AKAP7: variants seen among roughly 807,000 people sequenced by gnomAD.
AKAP7 encodes A kinase (PRKA) anchor protein 7.
AKAP7 carries 39 observed loss-of-function variants against 39.5 expected under a neutral mutation model. That is an observed-to-expected ratio of 0.99 (90% CI 0.76 to 1.29). AKAP7 has a LOEUF of 1.29. Among genes scored for constraint, AKAP7 ranks in the 50% most tolerant of loss-of-function variants. The pLI, the probability that AKAP7 is intolerant of heterozygous loss-of-function variation, is 0.00. For synonymous variants in AKAP7, 140 were observed against 139.1 expected (o/e 1.01, Z -0.05); for missense variants, 414 against 407.7 (o/e 1.02, Z -0.13).
At chr6:131,137,864 T>G (rs1446081541) in intron 1 of AKAP7, 3 of 152,246 alleles carry the variant, frequency 2.0e-5, no homozygotes. Context: ...AATATAGTTG[T>G]CAGCATTTAC....
chr6:131,145,011 C>T (rs1307450296), intron 1 of AKAP7, among the ~76,000 whole-genome samples: 1 of 152,116 alleles, frequency 6.6e-6, no homozygotes, highest in Non-Finnish European at 1.5e-5. Flanking sequence ...TGTAAAAGAT[C>T]TTGAGGATTA....
chr6:131,238,751 A>G (rs1339152557), intron 7 of AKAP7, among the ~76,000 whole-genome samples: 1 of 151,674 alleles, frequency 6.6e-6, no homozygotes, highest in South Asian at 2.1e-4. Flanking sequence ...TTTGTTTTCC[A>G]TTTGCTTGAT....
At chr6:131,163,344 G>A (rs988496033) in intron 3 of AKAP7, among the ~76,000 whole-genome samples, 5 of 152,158 alleles carry the variant, frequency 3.3e-5, no homozygotes, top group African/African-American at 1.2e-4. Context: ...ATTTTTGTTT[G>A]TTTGTTTTAA....
At chr6:131,253,237 C>A (rs1368747776) in intron 7 of AKAP7, 1 of 828,794 alleles carries the variant, frequency 1.2e-6, no homozygotes, top group Non-Finnish European at 1.8e-6. Context: ...CTATTGATAG[C>A]AAATGATGAT....
intron 7 of AKAP7, among the ~76,000 whole-genome samples, chr6:131,233,143 A>T (rs1343856773): frequency 6.8e-5 from 8 of 117,388 alleles, no homozygotes; most frequent in South Asian, 2.7e-4. Context: ...GTGTTATTTT[A>T]AAAAAACCTG....
At chr6:131,247,310 T>C (rs1812102196) in intron 7 of AKAP7, among the ~76,000 whole-genome samples, 1 of 112,208 alleles carries the variant, frequency 8.9e-6, no homozygotes, top group Non-Finnish European at 1.8e-5. Flanking sequence ...TATATATATA[T>C]ATATGTTTTT....
chr6:131,186,511 C>T (rs1805873983), intron 5 of AKAP7, among the ~76,000 whole-genome samples: 2 of 152,074 alleles, frequency 1.3e-5, no homozygotes, highest in South Asian at 2.1e-4. Context: ...GTTGTTGAAA[C>T]CATTTGACCT....
In AKAP7 at chr6:131,219,813, G is replaced by A. The variant is rs766710915; in HGVS notation, c.850+5G>A. 3.4e-6 allele frequency: 5 copies of A among 1,483,744 alleles called. No individual in the cohort carries two copies. Among genetic ancestry groups the A allele is most frequent in the Non-Finnish European group, 4.5e-6 (5 of 1,120,740 alleles). The allele number at this position is 1,483,744 out of a possible 1,614,324, so 91.9% of individuals were successfully genotyped here. ...GTGAATCTTCCATTGTGATTGGTGA[G>A]TGTCATTTAAAAATTATTTATTATC... On this transcript the variant is annotated splice_donor_5th_base_variant and intron_variant, in intron 7 of 7. Coordinates refer to ENST00000431975, the MANE Select transcript of AKAP7 (RefSeq NM_016377.4).
At chr6:131,154,468 G>GTTTTTTTT (rs58715551) in intron 2 of AKAP7, among the ~76,000 whole-genome samples, 1 of 112,536 alleles carries the variant, frequency 8.9e-6, no homozygotes. Context: ...CCCTGTCCCT[G>GTTTTTTTT]TTTTTTTTTT....
intron 5 of AKAP7, among the ~76,000 whole-genome samples, chr6:131,198,540 C>T (rs1375471270): frequency 6.6e-6 from 1 of 152,088 alleles, no homozygotes; most frequent in Non-Finnish European, 1.5e-5. Context: ...CTAGGTGGTA[C>T]TAAAAGAGTA....
chr6:131,135,515 CGGCTG>C lies in AKAP7; in HGVS notation c.-248_-244del, dbSNP rs1562852498. ...TGGCATGCGGGTGCTGCGGCTGCTG[CGGCTG>C]CCGCCGCCGCTGCTGCCGCTGCCGC... On this transcript the variant is annotated 5_prime_UTR_variant, in exon 1 of 8. Transcript: ENST00000431975. 3.3e-5 allele frequency among the ~76,000 whole-genome samples: 5 copies of C among 149,666 alleles called. No individual in the cohort carries two copies. The highest frequency in any genetic ancestry group is 1.2e-4 in the African/African-American group (5 of 41,068).
intron 2 of AKAP7, among the ~76,000 whole-genome samples, chr6:131,146,465 T>TAA (rs559697456): frequency 2.0e-5 from 3 of 151,554 alleles, no homozygotes; most frequent in African/African-American, 7.3e-5. Context: ...ATAAATAAAT[T>TAA]AAAAAAAAAT....
At chr6:131,209,231 A>C (rs1199034232) in intron 6 of AKAP7, among the ~76,000 whole-genome samples, 1 of 151,882 alleles carries the variant, frequency 6.6e-6, no homozygotes, top group African/African-American at 2.4e-5. Flanking sequence ...CAGCAGTTGC[A>C]TCTACAGATA....
At chr6:131,220,241 C>T (rs1414743490) in intron 7 of AKAP7, among the ~76,000 whole-genome samples, 1 of 152,132 alleles carries the variant, frequency 6.6e-6, no homozygotes, top group Non-Finnish European at 1.5e-5. Context: ...AGGTGGCCTG[C>T]AAAAATTGAA....
intron 6 of AKAP7, among the ~76,000 whole-genome samples, chr6:131,209,940 G>C (rs948616934): frequency 3.9e-5 from 6 of 152,192 alleles, no homozygotes; most frequent in African/African-American, 1.4e-4. Context: ...TGTTTAGTAA[G>C]TGACAGCTAA....
chr6:131,152,346 G>A (rs1262344365), intron 2 of AKAP7, among the ~76,000 whole-genome samples: 1 of 152,090 alleles, frequency 6.6e-6, no homozygotes, highest in African/African-American at 2.4e-5. Context: ...TAAATATTTT[G>A]TTCCTTATAT....
intron 7 of AKAP7, among the ~76,000 whole-genome samples, chr6:131,247,904 A>G (rs1296428383): frequency 6.6e-6 from 1 of 152,196 alleles, no homozygotes; most frequent in Non-Finnish European, 1.5e-5. Flanking sequence ...TGCTGGCATT[A>G]TAGGCATGAG....
chr6:131,182,509 C>T (rs73633664), intron 5 of AKAP7, among the ~76,000 whole-genome samples: 11,163 of 152,104 alleles, frequency 0.073, 1,330 homozygotes, highest in African/African-American at 0.25. Flanking sequence ...TATAATATTC[C>T]GTGGTATATG....
chr6:131,161,552 G>A (rs886853223), intron 3 of AKAP7, among the ~76,000 whole-genome samples: 9 of 148,774 alleles, frequency 6.0e-5, no homozygotes, highest in Middle Eastern at 3.5e-3. Context: ...GGCTGAGGTG[G>A]GAGGATTGCT....
Sources: gnomAD v4.1 joint callset for allele counts (sites outside exome capture counted in the v4.1 genomes callset) on GRCh38, gnomAD v4.1.1 for gene constraint, MANE v1.5 for transcripts, NCBI Gene and HGNC (gene_info 2026-07-23, HGNC 2026-07-21) for gene names.